Variants in SLC24A2 observed in about 807,000 individuals in gnomAD.
SLC24A2 encodes sodium/potassium/calcium exchanger 2.
A neutral mutation model predicts 62.0 loss-of-function variants in SLC24A2; 36 were observed. The ratio of observed to expected loss-of-function variants is 0.58; its 90% confidence interval spans 0.44 to 0.77. The LOEUF (loss-of-function observed/expected upper bound fraction) is 0.77. SLC24A2 is among the 30% of genes least tolerant of loss of function. The pLI is 0.00. For missense variants in SLC24A2, 846 were observed against 817.9 expected, an observed-to-expected ratio of 1.03 and a Z score of -0.42; for synonymous variants, 358 against 294.0, an observed-to-expected ratio of 1.22 and a Z score of -2.23.
chr9:19,851,028 T>TATATATAGATATA, the SLC24A2 span, among the ~76,000 whole-genome samples: 1 of 61,344 alleles, frequency 1.6e-5, no homozygotes. Flanking sequence ...TATATACATA[T>TATATATAGATATA]TTTTTTTTTT....
chr9:19,987,137 T>C, the SLC24A2 span, among the ~76,000 whole-genome samples: 1 of 151,812 alleles, frequency 6.6e-6, no homozygotes, highest in African/African-American at 2.4e-5. Flanking sequence ...TTGATATAGA[T>C]TGGAATGTGG....
chr9:19,667,626 C>T (rs1486727543), intron 2 of SLC24A2, among the ~76,000 whole-genome samples: 1 of 152,088 alleles, frequency 6.6e-6, no homozygotes, highest in East Asian at 1.9e-4. Flanking sequence ...TCTAAATTGC[C>T]CCATTCTTCC....
At chr9:19,699,324 C>G (rs916355013) in intron 2 of SLC24A2, among the ~76,000 whole-genome samples, 5 of 152,146 alleles carry the variant, frequency 3.3e-5, no homozygotes, top group Non-Finnish European at 7.4e-5. Context: ...ATCCATCTTG[C>G]AAAAGTCTTA....
At chr9:19,713,905 A>G (rs1402626029) in intron 2 of SLC24A2, among the ~76,000 whole-genome samples, 4 of 152,186 alleles carry the variant, frequency 2.6e-5, no homozygotes, top group Non-Finnish European at 5.9e-5. Flanking sequence ...ACAAGCACCA[A>G]GTAAATTGCA....
chr9:19,972,311 G>T, the SLC24A2 span, among the ~76,000 whole-genome samples: 2 of 152,106 alleles, frequency 1.3e-5, no homozygotes, highest in Non-Finnish European at 2.9e-5. Flanking sequence ...TTAGTCAGGG[G>T]GCTTTACTTT....
chr9:19,797,740 C>T, the SLC24A2 span, among the ~76,000 whole-genome samples: 18 of 152,198 alleles, frequency 1.2e-4, no homozygotes, highest in African/African-American at 3.9e-4. Context: ...TTACCCTTAT[C>T]TTCAGCTTTG....
At chr9:19,798,619 C>CAA in the SLC24A2 span, among the ~76,000 whole-genome samples, 1 of 151,724 alleles carries the variant, frequency 6.6e-6, no homozygotes, top group Admixed American at 6.6e-5. Flanking sequence ...CACACACACA[C>CAA]ACACACACCC....
At chr9:20,076,037 T>A in the SLC24A2 span, among the ~76,000 whole-genome samples, 1 of 152,210 alleles carries the variant, frequency 6.6e-6, no homozygotes, top group Non-Finnish European at 1.5e-5. Flanking sequence ...ACTCTATTGT[T>A]TAGGGAATAA....
At chr9:19,648,158 G>T (rs1818696529) in intron 2 of SLC24A2, among the ~76,000 whole-genome samples, 1 of 152,150 alleles carries the variant, frequency 6.6e-6, no homozygotes, top group Non-Finnish European at 1.5e-5. Context: ...AACCCATTAA[G>T]GTAGATATTA....
chr9:20,266,316 TG>T, the SLC24A2 span, among the ~76,000 whole-genome samples: 1 of 152,182 alleles, frequency 6.6e-6, no homozygotes, highest in Admixed American at 6.5e-5. Context: ...TTCTCTCTTT[TG>T]TACTCTGTCC....
At chr9:20,250,949 G>A in the SLC24A2 span, among the ~76,000 whole-genome samples, 2 of 152,058 alleles carry the variant, frequency 1.3e-5, no homozygotes, top group Non-Finnish European at 2.9e-5. Flanking sequence ...TTCTCACCTC[G>A]ATTAATTAGA....
the SLC24A2 span, among the ~76,000 whole-genome samples, chr9:19,939,568 A>G: frequency 6.6e-6 from 1 of 152,232 alleles, no homozygotes; most frequent in Non-Finnish European, 1.5e-5. Flanking sequence ...GTGAGTGAGT[A>G]GTGAGTGAAT....
At chr9:20,170,821 G>A in the SLC24A2 span, among the ~76,000 whole-genome samples, 1 of 152,098 alleles carries the variant, frequency 6.6e-6, no homozygotes, top group African/African-American at 2.4e-5. Flanking sequence ...AAACTTGCCT[G>A]GCCTTGCTAG....
At chr9:19,878,046 G>T in the SLC24A2 span, among the ~76,000 whole-genome samples, 5 of 152,154 alleles carry the variant, frequency 3.3e-5, no homozygotes, top group African/African-American at 1.2e-4. Flanking sequence ...CAGCAGACCT[G>T]TTACCACCCT....
chr9:19,712,087 G>A (rs1820730715), intron 2 of SLC24A2, among the ~76,000 whole-genome samples: 1 of 152,118 alleles, frequency 6.6e-6, no homozygotes, highest in Non-Finnish European at 1.5e-5. Flanking sequence ...ATGTCAGTAG[G>A]TGTCTCAGCA....
chr9:20,277,558 A>G, the SLC24A2 span, among the ~76,000 whole-genome samples: 2 of 152,048 alleles, frequency 1.3e-5, no homozygotes, highest in African/African-American at 2.4e-5. Flanking sequence ...CACCAGTTAG[A>G]ATGGCAATCA....
At chr9:20,040,892 G>T in the SLC24A2 span, among the ~76,000 whole-genome samples, 2 of 152,330 alleles carry the variant, frequency 1.3e-5, no homozygotes, top group Middle Eastern at 3.4e-3. Flanking sequence ...GGCAGACAAG[G>T]GTTAGAAGCT....
At chr9:19,522,723 T>G (rs1285152803) in intron 9 of SLC24A2, among the ~76,000 whole-genome samples, 3 of 152,178 alleles carry the variant, frequency 2.0e-5, no homozygotes. Context: ...ATACACAGCC[T>G]GATACATGGC....
the SLC24A2 span, among the ~76,000 whole-genome samples, chr9:20,179,698 T>C: frequency 1.4e-4 from 22 of 152,256 alleles, no homozygotes; most frequent in East Asian, 3.9e-3. Flanking sequence ...GATAATAACA[T>C]TTAAATTGAC....
Sources: gnomAD v4.1 joint callset for allele counts (sites outside exome capture counted in the v4.1 genomes callset) on GRCh38, gnomAD v4.1.1 for gene constraint, MANE v1.5 for transcripts, NCBI Gene and HGNC (gene_info 2026-07-23, HGNC 2026-07-21) for gene names.